The following ADAMTS12 variants were observed in gnomAD, a reference collection of about 807,000 sequenced individuals.
The protein encoded by ADAMTS12 is ADAM metallopeptidase with thrombospondin type 1 motif 12, also known as A disintegrin and metalloproteinase with thrombospondin motifs 12.
In ADAMTS12, 118 loss-of-function variants were observed where a neutral mutation model predicts 167.8. The ratio of observed to expected loss-of-function variants is 0.70; its 90% CI spans 0.61 to 0.82. ADAMTS12 has a LOEUF of 0.82. Among genes scored for constraint, ADAMTS12 ranks in the 40% least tolerant of loss-of-function variants. The pLI, the probability that ADAMTS12 is intolerant of heterozygous loss-of-function variation, is 0.00. For synonymous variants in ADAMTS12, 704 were observed against 716.9 expected, an observed-to-expected ratio of 0.98 and a Z score of 0.29; for missense variants, 1,916 against 1,998.8, an observed-to-expected ratio of 0.96 and a Z score of 0.79.
intron 2 of ADAMTS12, among the ~76,000 whole-genome samples, chr5:33,756,586 G>C (rs560923744): frequency 6.6e-6 from 1 of 152,104 alleles, no homozygotes. Context: ...TAGGACCACC[G>C]GGAAGATTTC....
chr5:33,576,296 G>C lies in ADAMTS12; in HGVS notation c.3730C>G (p.Pro1244Ala), dbSNP rs189970267. 1.3e-5 allele frequency: 21 copies of C among 1,614,160 alleles called. No individual in the cohort carries two copies. The Admixed American group carries it at 3.0e-4, about 23-fold the overall frequency. Residue 1244 changes from proline to alanine, a missense_variant, in exon 19 of 24, where the codon CCA (proline) becomes GCA (alanine). Physicochemically the swap from Pro to Ala is conservative, Grantham distance 27. Transcript: ENST00000504830. ...PRVEGMVTEKPANTLLPLGGD... is the reference protein window; with the variant it reads ...PRVEGMVTEKAANTLLPLGGD... ...CCCAGAGGGAGCAGAGTGTTGGCTG[G>C]CTTTTCAGTAACCATCCCCTCAACT...
Position 33,616,041 on chromosome 5 carries a change from T to G in ADAMTS12, c.2175A>C (p.Gly725=). ...TTTCCATCACTCTTATGTCCCTTGCTCCTTTTGGAATGAGCCCAATGTCAA... is the reference window on the plus strand; with the variant it reads ...TTTCCATCACTCTTATGTCCCTTGCGCCTTTTGGAATGAGCCCAATGTCAA... ...GYVDIGLIPK[G]ARDIRVMEIE... The change falls in exon 15 of 24, where the codon GGA becomes GGC. Residue 725 remains glycine (G), a synonymous_variant. Coordinates refer to ENST00000504830, the MANE Select transcript of ADAMTS12 (RefSeq NM_030955.4). 6.2e-7 allele frequency: 1 copy of G among 1,614,132 alleles called. No individual in the cohort carries two copies. Among genetic ancestry groups the G allele is most frequent in the Non-Finnish European group, 8.5e-7 (1 of 1,180,004 alleles).
chr5:33,822,055 T>C (rs1747889825), intron 2 of ADAMTS12, among the ~76,000 whole-genome samples: 2 of 152,218 alleles, frequency 1.3e-5, no homozygotes, highest in African/African-American at 2.4e-5. Flanking sequence ...ATATTGTTTA[T>C]GAAAAATAAC....
chr5:33,544,566 C>T (rs190770064), intron 22 of ADAMTS12, among the ~76,000 whole-genome samples: 1 of 152,048 alleles, frequency 6.6e-6, no homozygotes, highest in Admixed American at 6.6e-5. Flanking sequence ...CAATCCTAAG[C>T]AAAAAGAACA....
In ADAMTS12 at chr5:33,526,374, A is replaced by T. The variant is rs1193918916; in HGVS notation, c.*814T>A. ...TGCAAAGGAGTGTGTATTTGCCAGGAAAGTGGGAAGAATAAAGGCCCACAG... is the reference window on the plus strand; with the variant it reads ...TGCAAAGGAGTGTGTATTTGCCAGGTAAGTGGGAAGAATAAAGGCCCACAG... On this transcript the variant is annotated 3_prime_UTR_variant, in exon 24 of 24. Coordinates refer to ENST00000504830, the MANE Select transcript of ADAMTS12 (RefSeq NM_030955.4). 3 of 152,190 alleles carry T rather than the reference A, an allele frequency of 2.0e-5. No homozygotes were observed. Among genetic ancestry groups the T allele is most frequent in the Non-Finnish European group, 4.4e-5 (3 of 68,032 alleles). 9.4% of individuals were successfully genotyped at this position (152,190 alleles called of 1,614,324 possible).
intron 16 of ADAMTS12, among the ~76,000 whole-genome samples, chr5:33,600,913 C>G (rs913450368): frequency 6.6e-6 from 1 of 152,158 alleles, no homozygotes; most frequent in Non-Finnish European, 1.5e-5. Context: ...CCGTCCGTCT[C>G]TCTTGTCAAT....
rs1750866438 is a variant in ADAMTS12 at position 33,891,782 on chromosome 5, G to A, written c.75C>T (p.Cys25=). The stretch of plus-strand genomic sequence containing the variant: ...GGCCTGGCTGAGGCTGTCTCCCATA[G>A]CAAAGCGCCCCAAAGTTAAGGAGCT... ...VAQLLNFGAL[C]YGRQPQPGPV... Residue 25 remains cysteine (C), a synonymous_variant, in exon 1 of 24, where the codon TGC becomes TGT. Coordinates refer to ENST00000504830, the MANE Select transcript of ADAMTS12 (RefSeq NM_030955.4). 1 of 1,614,106 alleles carries A rather than the reference G, an allele frequency of 6.2e-7. No individual in the cohort carries two copies. Among genetic ancestry groups the A allele is most frequent in the Non-Finnish European group, 8.5e-7 (1 of 1,180,040 alleles).
At chr5:33,792,115 A>G (rs1280857209) in intron 2 of ADAMTS12, among the ~76,000 whole-genome samples, 1 of 146,732 alleles carries the variant, frequency 6.8e-6, no homozygotes, top group Non-Finnish European at 1.5e-5. Context: ...CTCCTGCCCC[A>G]GGCTCCAGAG....
intron 2 of ADAMTS12, among the ~76,000 whole-genome samples, chr5:33,762,175 G>A (rs571955974): frequency 1.4e-5 from 2 of 146,762 alleles, no homozygotes; most frequent in South Asian, 4.4e-4. Flanking sequence ...CTGGGTGACA[G>A]AGTGATAAAG....
intron 13 of ADAMTS12, among the ~76,000 whole-genome samples, chr5:33,627,225 AGATGGTGGAGT>A (rs1414561974): frequency 1.1e-5 from 1 of 90,858 alleles, no homozygotes; most frequent in African/African-American, 4.5e-5. Context: ...GTGGTGGTGG[AGATGGTGGAGT>A]GATGGTGGTG....
In ADAMTS12 at chr5:33,568,107, G is replaced by C. The variant is rs1020466611; in HGVS notation, c.3973-6928C>G. ...ATCATGCTTGTAAAGCCTGATGCAT[G>C]CTTAGGAAAGAAACTGATTAGGAAA... On this transcript the variant is annotated intron_variant, in intron 19 of 23. Transcript: ENST00000504830. Among the ~76,000 whole-genome samples, 14 of 152,172 alleles carry C rather than the reference G, an allele frequency of 9.2e-5. 1 individual carries two copies. The South Asian group carries it at 2.9e-3, about 32-fold the overall frequency.
At chr5:33,853,068 T>C (rs1749278507) in intron 2 of ADAMTS12, among the ~76,000 whole-genome samples, 1 of 152,242 alleles carries the variant, frequency 6.6e-6, no homozygotes, top group Non-Finnish European at 1.5e-5. Flanking sequence ...CCTGTCTGCA[T>C]GGGTACTGTC....
Position 33,534,917 on chromosome 5 carries a change from C to T in ADAMTS12, c.4522G>A (p.Asp1508Asn), listed in dbSNP as rs777384405. The stretch of plus-strand genomic sequence containing the variant: ...TGATCACATAGACATTGGTCTTGGT[C>T]TTCAGTTTTATTGCCCTCTGAGGGC... ...CVPSEGNKTE[D>N]QDQCLCDHKP... Residue 1508 changes from aspartate to asparagine, a missense_variant, in exon 23 of 24, where the codon GAC becomes AAC. Transcript: ENST00000504830. 106 of 1,613,960 alleles carry T rather than the reference C, an allele frequency of 6.6e-5. No individual in the cohort carries two copies. The highest frequency in any genetic ancestry group is 7.4e-5 in the Non-Finnish European group (87 of 1,180,018).
chr5:33,607,741 G>A (rs149498118), intron 16 of ADAMTS12, among the ~76,000 whole-genome samples: 6 of 152,120 alleles, frequency 3.9e-5, no homozygotes, highest in African/African-American at 9.6e-5. Flanking sequence ...CTAGTTAGCC[G>A]TATGTATTCA....
chr5:33,694,317 A>G (rs1157376300), intron 3 of ADAMTS12, among the ~76,000 whole-genome samples: 1 of 152,220 alleles, frequency 6.6e-6, no homozygotes, highest in African/African-American at 2.4e-5. Context: ...TATTCTCTCA[A>G]CCATCTAAAT....
chr5:33,591,022 A>G (rs909069280), intron 17 of ADAMTS12, among the ~76,000 whole-genome samples: 1 of 150,100 alleles, frequency 6.7e-6, no homozygotes, highest in Non-Finnish European at 1.5e-5. Context: ...CTCTTGTTGG[A>G]GATTTCTAAA....
chr5:33,668,780 G>A (rs1302254976), intron 5 of ADAMTS12, among the ~76,000 whole-genome samples: 1 of 152,146 alleles, frequency 6.6e-6, no homozygotes, highest in Non-Finnish European at 1.5e-5. Flanking sequence ...CTCCACACCC[G>A]GCCTCTGGAG....
chr5:33,819,076 G>A (rs1399533047), intron 2 of ADAMTS12, among the ~76,000 whole-genome samples: 1 of 151,938 alleles, frequency 6.6e-6, no homozygotes, highest in African/African-American at 2.4e-5. Context: ...GCTGTGCAAA[G>A]CTTTGTACTT....
At chr5:33,700,827 T>A (rs573122225) in intron 3 of ADAMTS12, among the ~76,000 whole-genome samples, 1 of 152,246 alleles carries the variant, frequency 6.6e-6, no homozygotes, top group East Asian at 1.9e-4. Flanking sequence ...TTGTATTGTA[T>A]CTTATGACTG....
Sources: gnomAD v4.1 joint callset for allele counts (sites outside exome capture counted in the v4.1 genomes callset) on GRCh38, gnomAD v4.1.1 for gene constraint, MANE v1.5 for transcripts, NCBI Gene and HGNC (gene_info 2026-07-23, HGNC 2026-07-21) for gene names.